SMYD3: variants seen among roughly 807,000 people sequenced by gnomAD.
SMYD3 encodes SET and MYND domain containing 3.
A neutral mutation model predicts 57.7 loss-of-function variants in SMYD3; 36 were observed. The observed-to-expected ratio is 0.62, with a 90% confidence interval of 0.48 to 0.82. The LOEUF is 0.82. Ranked by LOEUF, SMYD3 falls within the 40% of genes least tolerant of loss-of-function variation. The pLI is 0.00. For synonymous variants in SMYD3, 211 were observed against 195.0 expected (o/e 1.08, Z -0.68); for missense variants, 515 against 538.8 (o/e 0.96, Z 0.44).
intron 1 of SMYD3, among the ~76,000 whole-genome samples, chr1:246,433,722 C>T (rs1026658834): frequency 6.6e-6 from 1 of 152,090 alleles, no homozygotes; most frequent in Non-Finnish European, 1.5e-5. Flanking sequence ...AGATTCAACG[C>T]TATGCCTATC....
At chr1:246,177,468 T>C (rs986092182) in intron 5 of SMYD3, among the ~76,000 whole-genome samples, 15 of 152,038 alleles carry the variant, frequency 9.9e-5, no homozygotes, top group Non-Finnish European at 1.5e-4. Context: ...TCCCACTCTA[T>C]AGAAAAGCAA....
intron 5 of SMYD3, among the ~76,000 whole-genome samples, chr1:246,232,134 T>A (rs370626540): frequency 1.6e-5 from 2 of 124,546 alleles, no homozygotes; most frequent in African/African-American, 5.8e-5. Context: ...TATTTATATT[T>A]GTAATAAATC....
At position 245,764,115 on chromosome 1, in the gene SMYD3, C is replaced by T. The variant is rs1361425040; in HGVS notation, c.1111G>A (p.Val371Ile). ...AGTTTGCCAACTTTCATCACTTGAACCCCTCTGACGGGATGGCTTCCTGGG... is the reference window on the plus strand; with the variant it reads ...AGTTTGCCAACTTTCATCACTTGAATCCCTCTGACGGGATGGCTTCCTGGG... ...FFPGSHPVRG[V>I]QVMKVGKLQL... Residue 371 changes from valine to isoleucine, a missense_variant, in exon 11 of 12, where the codon GTT becomes ATT. Transcript: ENST00000490107. 4 of 1,613,976 alleles carry T rather than the reference C, an allele frequency of 2.5e-6. No homozygotes were observed. The highest frequency in any genetic ancestry group is 2.2e-5 in the South Asian group (2 of 91,068).
chr1:246,170,849 A>C (rs1255380580), intron 5 of SMYD3, among the ~76,000 whole-genome samples: 28 of 152,192 alleles, frequency 1.8e-4, no homozygotes, highest in Non-Finnish European at 2.9e-5. Flanking sequence ...TACATTTCTT[A>C]AAGCTCGTAG....
intron 5 of SMYD3, among the ~76,000 whole-genome samples, chr1:245,940,346 C>A (rs567437431): frequency 5.9e-5 from 9 of 152,298 alleles, no homozygotes; most frequent in South Asian, 4.2e-4. Context: ...GACCTCCCAA[C>A]TGGGGTCACT....
chr1:246,310,924 T>C (rs2065066489), intron 5 of SMYD3, among the ~76,000 whole-genome samples: 1 of 152,124 alleles, frequency 6.6e-6, no homozygotes, highest in Admixed American at 6.5e-5. Context: ...CACCTCGGCC[T>C]CCCAAAGTGC....
intron 5 of SMYD3, among the ~76,000 whole-genome samples, chr1:246,151,545 A>G (rs1055223610): frequency 6.6e-6 from 1 of 152,196 alleles, no homozygotes; most frequent in African/African-American, 2.4e-5. Context: ...CAAAGAAAAA[A>G]TAAAAAACTC....
chr1:246,501,830 T>C (rs2068460958), intron 1 of SMYD3, among the ~76,000 whole-genome samples: 1 of 152,218 alleles, frequency 6.6e-6, no homozygotes, highest in Admixed American at 6.5e-5. Flanking sequence ...TCAGCACTTT[T>C]CAACAATCCT....
chr1:245,832,084 C>T (rs2049868630), intron 10 of SMYD3, among the ~76,000 whole-genome samples: 1 of 152,170 alleles, frequency 6.6e-6, no homozygotes, highest in South Asian at 2.1e-4. Context: ...AGGTCTGGGG[C>T]ATCTTTTACC....
intron 5 of SMYD3, chr1:246,326,135 G>C (rs957248095): frequency 1.3e-5 from 5 of 375,886 alleles, no homozygotes; most frequent in Non-Finnish European, 2.4e-5. Flanking sequence ...TAATTTTTCA[G>C]AAAACAGTAA....
intron 1 of SMYD3, among the ~76,000 whole-genome samples, chr1:246,450,026 A>T (rs2067608289): frequency 1.3e-5 from 2 of 152,148 alleles, no homozygotes; most frequent in African/African-American, 4.8e-5. Flanking sequence ...GGTGGCTCAC[A>T]CCTATTATCC....
chr1:246,016,140 G>A lies in SMYD3; in HGVS notation c.532-86203C>T, dbSNP rs995390939. On this transcript the variant is annotated intron_variant, in intron 5 of 11. Transcript: ENST00000490107. ...GTATCAGCCAGGCACTCTGGCTCAC[G>A]CCTGTAGTCCCAGCTACTTGGGAGG... is the stretch of plus-strand genomic sequence containing the variant. 2.0e-5 allele frequency among the ~76,000 whole-genome samples: 3 copies of A among 152,078 alleles called. No homozygotes were observed. In the East Asian group the frequency reaches 5.8e-4, roughly 29 times the overall value.
intron 4 of SMYD3, among the ~76,000 whole-genome samples, chr1:246,330,245 C>T (rs1183922826): frequency 2.0e-5 from 3 of 152,216 alleles, no homozygotes; most frequent in Non-Finnish European, 4.4e-5. Context: ...CTAATGGTTA[C>T]ACTACCCCAT....
intron 1 of SMYD3, among the ~76,000 whole-genome samples, chr1:246,364,921 A>G (rs2066073732): frequency 6.6e-6 from 1 of 152,242 alleles, no homozygotes; most frequent in Admixed American, 6.5e-5. Context: ...ACAAAAGGAC[A>G]TGCAATGGTG....
chr1:246,491,344 C>A (rs1223156178), intron 1 of SMYD3, among the ~76,000 whole-genome samples: 1 of 152,152 alleles, frequency 6.6e-6, no homozygotes, highest in Non-Finnish European at 1.5e-5. Flanking sequence ...TCAAGACCAG[C>A]CTGGCCAACA....
chr1:246,459,376 C>G (rs1194480846), intron 1 of SMYD3, among the ~76,000 whole-genome samples: 1 of 152,104 alleles, frequency 6.6e-6, no homozygotes, highest in African/African-American at 2.4e-5. Context: ...CATTCACTCT[C>G]TCCTGCTCTG....
chr1:246,090,701 A>G (rs1182403507), intron 5 of SMYD3, among the ~76,000 whole-genome samples: 1 of 151,928 alleles, frequency 6.6e-6, no homozygotes, highest in Non-Finnish European at 1.5e-5. Flanking sequence ...TATTTTTAGT[A>G]GAGATGGGGT....
At chr1:246,127,365 A>C (rs1204823664) in intron 5 of SMYD3, among the ~76,000 whole-genome samples, 1 of 152,178 alleles carries the variant, frequency 6.6e-6, no homozygotes, top group Non-Finnish European at 1.5e-5. Flanking sequence ...AGATGAGCCC[A>C]AGTATTTTCA....
Position 245,968,344 on chromosome 1 carries a change from G to A in SMYD3, c.532-38407C>T, listed in dbSNP as rs754229120. ...CTCCATTCCCTGACTAAGCTGCAGC[G>A]TTCTCACCTCAGTGCCTTTGCCTAG... On this transcript the variant is annotated intron_variant, in intron 5 of 11. Coordinates refer to ENST00000490107, the MANE Select transcript of SMYD3 (RefSeq NM_001167740.2). 3.3e-5 allele frequency among the ~76,000 whole-genome samples: 5 copies of A among 152,070 alleles called. No individual in the cohort carries two copies. The East Asian group carries it at 5.8e-4, about 18-fold the overall frequency.
Sources: allele counts gnomAD v4.1 joint callset (sites outside exome capture counted in the v4.1 genomes callset), GRCh38; gene constraint gnomAD v4.1.1; transcripts MANE v1.5; gene names NCBI Gene and HGNC (gene_info 2026-07-23, HGNC 2026-07-21).